The following NAA35 variants were observed in gnomAD, a reference collection of about 807,000 sequenced individuals.
The protein encoded by NAA35 is N-alpha-acetyltransferase 35, NatC auxiliary subunit, also known as MAK10 homolog, amino-acid N-acetyltransferase subunit.
In NAA35, 18 loss-of-function variants were observed where a neutral mutation model predicts 101.7. That is an observed-to-expected ratio of 0.18 (90% CI 0.12 to 0.26). The LOEUF (loss-of-function observed/expected upper bound fraction) is 0.26, where lower values mean the gene tolerates loss of function less well. Among genes scored for constraint, NAA35 ranks in the 10% least tolerant of loss-of-function variants. The probability of loss-of-function intolerance (pLI) is 1.00; values close to 1 mark genes in which losing one functional copy is unlikely to be tolerated. For missense variants in NAA35, 601 were observed against 886.8 expected, an observed-to-expected ratio of 0.68 and a Z score of 4.09; for synonymous variants, 267 against 273.1, an observed-to-expected ratio of 0.98 and a Z score of 0.22.
At chr9:85,944,309 A>G (rs902544074) in intron 2 of NAA35, among the ~76,000 whole-genome samples, 1 of 152,234 alleles carries the variant, frequency 6.6e-6, no homozygotes, top group Non-Finnish European at 1.5e-5. Flanking sequence ...GTAGCATTCA[A>G]TGATGGTAAC....
intron 2 of NAA35, among the ~76,000 whole-genome samples, chr9:85,952,019 T>C (rs1273751459): frequency 6.6e-6 from 1 of 152,196 alleles, no homozygotes; most frequent in African/African-American, 2.4e-5. Flanking sequence ...ACATTTGTTA[T>C]CACTACCAGT....
At chr9:85,972,204 T>G (rs1830026542) in intron 6 of NAA35, among the ~76,000 whole-genome samples, 1 of 152,070 alleles carries the variant, frequency 6.6e-6, no homozygotes, top group Non-Finnish European at 1.5e-5. Context: ...TTTGTCTGAT[T>G]TTTTAAAAAA....
At position 85,942,292 on chromosome 9, in the gene NAA35, G is replaced by A. The variant is rs1346612496; in HGVS notation, c.124+9G>A. The A allele has an allele frequency of 1.9e-6, 3 of 1,612,500 alleles. No individual in the cohort carries two copies. In the Admixed American group the frequency reaches 5.0e-5, roughly 27 times the overall value. Reference sequence around the variant, plus strand: ...TGAAGAAGCTTGTCGAGGTGAGTCTGATTTTTGGATTAGAAGTTCAGCATC... The same window carrying A: ...TGAAGAAGCTTGTCGAGGTGAGTCTAATTTTTGGATTAGAAGTTCAGCATC... On this transcript the variant is annotated intron_variant, in intron 2 of 22. Coordinates refer to ENST00000361671, the MANE Select transcript of NAA35 (RefSeq NM_024635.4).
chr9:85,995,781 G>A (rs766045129), intron 11 of NAA35, among the ~76,000 whole-genome samples: 9 of 152,148 alleles, frequency 5.9e-5, no homozygotes, highest in African/African-American at 2.2e-4. Context: ...CTATGCACTA[G>A]TGTGAAAAGT....
At chr9:85,956,014 T>C (rs1829258805) in intron 2 of NAA35, among the ~76,000 whole-genome samples, 1 of 152,224 alleles carries the variant, frequency 6.6e-6, no homozygotes, top group Admixed American at 6.5e-5. Flanking sequence ...ACTTGAGAAG[T>C]AGCAGTCAGT....
At chr9:85,993,113 A>G (rs887424997) in intron 11 of NAA35, among the ~76,000 whole-genome samples, 2 of 152,232 alleles carry the variant, frequency 1.3e-5, no homozygotes, top group African/African-American at 4.8e-5. Flanking sequence ...TGTTGAGCCA[A>G]AGAAGTCAGA....
intron 11 of NAA35, among the ~76,000 whole-genome samples, chr9:85,990,971 C>T (rs1197667602): frequency 1.3e-5 from 2 of 152,098 alleles, no homozygotes; most frequent in Non-Finnish European, 2.9e-5. Flanking sequence ...GTTCAAGATA[C>T]CTTGAGAGCA....
At chr9:86,021,187 A>T (rs1009756272) in intron 22 of NAA35, among the ~76,000 whole-genome samples, 1 of 152,222 alleles carries the variant, frequency 6.6e-6, no homozygotes, top group African/African-American at 2.4e-5. Context: ...TACGTTTTCC[A>T]TCTCCTTGCT....
At chr9:86,010,762 T>G (rs916876874) in intron 15 of NAA35, among the ~76,000 whole-genome samples, 2 of 150,278 alleles carry the variant, frequency 1.3e-5, no homozygotes, top group Non-Finnish European at 3.0e-5. Flanking sequence ...GTATTTTTAG[T>G]AGAGACGGGG....
chr9:85,972,145 C>T (rs1310720739), intron 6 of NAA35, among the ~76,000 whole-genome samples: 3 of 152,076 alleles, frequency 2.0e-5, no homozygotes. Context: ...GGCAAACTTA[C>T]AGATAAGTTT....
chr9:86,007,297 T>G, intron 13 of NAA35, 61 bp from the exon 14 acceptor site: 1 of 1,239,492 alleles, frequency 8.1e-7, no homozygotes, highest in Non-Finnish European at 1.2e-6. Flanking sequence ...AGTATACTGA[T>G]TTTACACTAA....
intron 21 of NAA35, 78 bp downstream of exon 21, chr9:86,018,899 T>TTC: frequency 6.5e-7 from 1 of 1,540,844 alleles, no homozygotes; most frequent in Non-Finnish European, 8.8e-7. Flanking sequence ...GAAAGTTAAT[T>TTC]ATGAAAGTGA....
chr9:86,011,894 GAT>G (rs978178166), intron 15 of NAA35, among the ~76,000 whole-genome samples: 73 of 134,834 alleles, frequency 5.4e-4, no homozygotes, highest in South Asian at 8.9e-4. Flanking sequence ...TATATTATAT[GAT>G]ATATATTAAT....
Position 86,022,879 on chromosome 9 carries a change from T to A in NAA35, c.*919T>A, listed in dbSNP as rs561100642. ...GCAGCTTTCTAGGCCTCTTGGGCCT[T>A]CCTTTTTGTCCTCTGTAGCAGGCAA... is the stretch of plus-strand genomic sequence containing the variant. On this transcript the variant is annotated 3_prime_UTR_variant, in exon 23 of 23. Coordinates refer to ENST00000361671, the MANE Select transcript of NAA35 (RefSeq NM_024635.4). Among the ~76,000 whole-genome samples, 3 of 152,200 alleles carry A rather than the reference T, an allele frequency of 2.0e-5. No homozygotes were observed. The South Asian group carries it at 6.2e-4, about 32-fold the overall frequency.
rs372645906 is a variant in NAA35 at position 86,016,513 on chromosome 9, TTAAC to T, written c.1569-21_1569-18del. ...AGCTGTCTCATTTAGACATCTACCA[TTAAC>T]TAACATTTTGTATCCTTTAAGGTAT... On this transcript the variant is annotated intron_variant, in intron 17 of 22. Transcript: ENST00000361671. 3.5e-5 allele frequency: 56 copies of T among 1,603,188 alleles called. No homozygotes were observed. In the East Asian group the frequency reaches 7.4e-4, roughly 21 times the overall value.
At chr9:85,958,369 A>G (rs1829364960) in intron 3 of NAA35, 103 bp from the exon 4 acceptor site, 1 of 616,552 alleles carries the variant, frequency 1.6e-6, no homozygotes, top group South Asian at 2.3e-5. Context: ...AATGCATAGA[A>G]TACTTTAGTT....
chr9:86,016,683 G>T lies in NAA35; in HGVS notation c.1705+8G>T. The stretch of plus-strand genomic sequence containing the variant: ...CAAAGAAAAAAAAGAAAGGTGCTGT[G>T]GATTATTTTTAAACTTAAGAACAGA... On this transcript the variant is annotated splice_region_variant and intron_variant, in intron 18 of 22. Coordinates refer to ENST00000361671, the MANE Select transcript of NAA35 (RefSeq NM_024635.4). 6.2e-7 allele frequency: 1 copy of T among 1,608,036 alleles called. No homozygotes were observed. Among genetic ancestry groups the T allele is most frequent in the South Asian group, 1.1e-5 (1 of 90,678 alleles).
At chr9:85,958,651 C>A in intron 4 of NAA35, 65 bp downstream of exon 4, 1 of 1,020,574 alleles carries the variant, frequency 9.8e-7, no homozygotes, top group African/African-American at 1.6e-5. Context: ...AAACATGGTG[C>A]TTAATAATGA....
At position 85,944,660 on chromosome 9, in the gene NAA35, G is replaced by A. The variant is rs192413873; in HGVS notation, c.124+2377G>A. ...TTATGGGTGGAGTTCAAAGTACCTT[G>A]ATTCATAGGTACAAGATATCTTGAT... is the stretch of plus-strand genomic sequence containing the variant. On this transcript the variant is annotated intron_variant, in intron 2 of 22. Coordinates refer to ENST00000361671, the MANE Select transcript of NAA35 (RefSeq NM_024635.4). 2.1e-3 allele frequency among the ~76,000 whole-genome samples: 316 copies of A among 152,310 alleles called. 5 individuals are homozygous for A. In the South Asian group the frequency reaches 0.034, roughly 16 times the overall value.
Sources: allele counts gnomAD v4.1 joint callset (sites outside exome capture counted in the v4.1 genomes callset), GRCh38; gene constraint gnomAD v4.1.1; transcripts MANE v1.5; gene names NCBI Gene and HGNC (gene_info 2026-07-23, HGNC 2026-07-21).